Variants in IMMP2L observed in about 807,000 individuals in gnomAD.
IMMP2L encodes mitochondrial inner membrane protease subunit 2.
IMMP2L carries 18 observed loss-of-function variants against 19.3 expected under a neutral mutation model. The observed-to-expected ratio is 0.93, with a 90% confidence interval of 0.64 to 1.38. IMMP2L has a LOEUF of 1.38. Among genes scored for constraint, IMMP2L ranks in the 40% most tolerant of loss-of-function variants. IMMP2L has a pLI of 0.00. For synonymous variants in IMMP2L, 76 were observed against 73.0 expected (o/e 1.04, Z -0.21); for missense variants, 233 against 218.2 (o/e 1.07, Z -0.43).
intron 3 of IMMP2L, among the ~76,000 whole-genome samples, chr7:111,230,922 T>C (rs745787206): frequency 6.6e-6 from 1 of 151,912 alleles, no homozygotes; most frequent in African/African-American, 2.4e-5. Flanking sequence ...AATGCTGGAA[T>C]TGATAACTAA....
At chr7:111,450,948 CA>C (rs1294996263) in intron 3 of IMMP2L, among the ~76,000 whole-genome samples, 15 of 151,570 alleles carry the variant, frequency 9.9e-5, no homozygotes, top group African/African-American at 3.4e-4. Flanking sequence ...AGCCAAAAAA[CA>C]CATGAAAAAA....
chr7:111,170,175 A>G (rs965445701), intron 3 of IMMP2L, among the ~76,000 whole-genome samples: 11 of 151,902 alleles, frequency 7.2e-5, no homozygotes, highest in Non-Finnish European at 1.6e-4. Context: ...AATATTAAAA[A>G]TCTTTTCTTA....
chr7:111,102,774 TA>T (rs1199579893), intron 3 of IMMP2L, among the ~76,000 whole-genome samples: 1 of 151,538 alleles, frequency 6.6e-6, no homozygotes, highest in Non-Finnish European at 1.5e-5. Flanking sequence ...ATCTCAAATT[TA>T]AAAAGCTCCG....
chr7:110,677,836 C>G (rs1380188343), intron 5 of IMMP2L, among the ~76,000 whole-genome samples: 2 of 152,070 alleles, frequency 1.3e-5, no homozygotes, highest in Non-Finnish European at 2.9e-5. Context: ...GAAGGAGCAG[C>G]AGATAAGCTA....
At chr7:111,262,763 A>G (rs978774204) in intron 3 of IMMP2L, among the ~76,000 whole-genome samples, 1 of 152,176 alleles carries the variant, frequency 6.6e-6, no homozygotes, top group South Asian at 2.1e-4. Flanking sequence ...TCCCATGAAC[A>G]TCATATGGAG....
intron 3 of IMMP2L, among the ~76,000 whole-genome samples, chr7:111,142,851 C>T (rs977664776): frequency 5.3e-5 from 8 of 152,144 alleles, no homozygotes; most frequent in Non-Finnish European, 8.8e-5. Context: ...GGTCCCAAAA[C>T]TTTTATTGTT....
chr7:111,458,731 C>T (rs936103753), intron 3 of IMMP2L, among the ~76,000 whole-genome samples: 12 of 152,118 alleles, frequency 7.9e-5, no homozygotes, highest in Non-Finnish European at 1.5e-4. Flanking sequence ...CTTCACAGCT[C>T]ATCTGCTTCC....
intron 3 of IMMP2L, among the ~76,000 whole-genome samples, chr7:111,381,001 G>A (rs534846218): frequency 2.0e-5 from 3 of 151,948 alleles, no homozygotes; most frequent in East Asian, 1.9e-4. Flanking sequence ...TCTGAGCACC[G>A]TATTTAAAAA....
At chr7:111,079,564 G>A (rs572171592) in intron 3 of IMMP2L, among the ~76,000 whole-genome samples, 4 of 152,220 alleles carry the variant, frequency 2.6e-5, no homozygotes, top group South Asian at 2.1e-4. Flanking sequence ...GTCCCAAATC[G>A]CACATGAGGT....
At chr7:111,359,499 A>G (rs1004118447) in intron 3 of IMMP2L, among the ~76,000 whole-genome samples, 10 of 151,822 alleles carry the variant, frequency 6.6e-5, no homozygotes, top group Non-Finnish European at 1.3e-4. Context: ...ACGGGGTTTC[A>G]CCATATTGGC....
chr7:111,533,605 G>A (rs1242650520), intron 1 of IMMP2L, among the ~76,000 whole-genome samples: 2 of 152,102 alleles, frequency 1.3e-5, no homozygotes, highest in Non-Finnish European at 2.9e-5. Context: ...ATTGGGAAGA[G>A]AAGTTGAATT....
At chr7:111,506,515 A>C (rs1436774936) in intron 2 of IMMP2L, among the ~76,000 whole-genome samples, 2 of 152,136 alleles carry the variant, frequency 1.3e-5, no homozygotes, top group African/African-American at 4.8e-5. Flanking sequence ...CTCCTGCCTC[A>C]GCCTCCAGAG....
At chr7:111,196,285 C>T (rs1004986857) in intron 3 of IMMP2L, among the ~76,000 whole-genome samples, 26 of 152,140 alleles carry the variant, frequency 1.7e-4, no homozygotes, top group African/African-American at 5.8e-4. Context: ...AAATGCTTTA[C>T]GGTGCTAGCC....
intron 3 of IMMP2L, among the ~76,000 whole-genome samples, chr7:111,054,158 GA>G (rs1367535281): frequency 6.6e-6 from 1 of 151,998 alleles, no homozygotes; most frequent in Non-Finnish European, 1.5e-5. Context: ...ATTTCTATTT[GA>G]TATATTTTAA....
At chr7:110,828,580 T>C (rs1240414646) in intron 5 of IMMP2L, among the ~76,000 whole-genome samples, 2 of 152,114 alleles carry the variant, frequency 1.3e-5, no homozygotes, top group African/African-American at 2.4e-5. Context: ...GAATACACTA[T>C]ATGAGAGACT....
intron 5 of IMMP2L, among the ~76,000 whole-genome samples, chr7:110,854,241 T>A (rs1407967454): frequency 6.6e-6 from 1 of 151,900 alleles, no homozygotes; most frequent in Non-Finnish European, 1.5e-5. Flanking sequence ...CCATTTAAAT[T>A]TTTTTCTGAC....
intron 5 of IMMP2L, among the ~76,000 whole-genome samples, chr7:110,762,028 G>T (rs992065434): frequency 6.6e-6 from 1 of 152,068 alleles, no homozygotes; most frequent in African/African-American, 2.4e-5. Context: ...ATAATGCTTT[G>T]AATTCTTTCT....
chr7:111,075,116 C>CTTTT (rs55867543), intron 3 of IMMP2L, among the ~76,000 whole-genome samples: 2 of 75,292 alleles, frequency 2.7e-5, no homozygotes, highest in African/African-American at 5.0e-5. Flanking sequence ...TGTTTTCAGA[C>CTTTT]TTTTTTTTTT....
At chr7:111,536,303 T>C (rs1332081867) in intron 1 of IMMP2L, among the ~76,000 whole-genome samples, 3 of 152,020 alleles carry the variant, frequency 2.0e-5, no homozygotes, top group Non-Finnish European at 4.4e-5. Flanking sequence ...GGGTTGTTTT[T>C]TGTTGTTTTT....
Sources: gnomAD v4.1 joint callset for allele counts (sites outside exome capture counted in the v4.1 genomes callset) on GRCh38, gnomAD v4.1.1 for gene constraint, MANE v1.5 for transcripts, NCBI Gene and HGNC (gene_info 2026-07-23, HGNC 2026-07-21) for gene names.